Variants in DUSP22 observed in about 807,000 individuals in gnomAD.
The protein encoded by DUSP22 is dual specificity phosphatase 22, also known as dual specificity protein phosphatase 22.
Under a neutral mutation model 24.5 loss-of-function variants are expected in DUSP22, and 24 were observed. The ratio of observed to expected loss-of-function variants is 0.98; its 90% CI spans 0.71 to 1.38. The LOEUF (loss-of-function observed/expected upper bound fraction) is 1.38. Among genes scored for constraint, DUSP22 ranks in the 40% most tolerant of loss-of-function variants. The pLI is 0.00. For synonymous variants in DUSP22, 160 were observed against 106.4 expected (o/e 1.50, Z -3.10); for missense variants, 330 against 269.2 (o/e 1.23, Z -1.58).
chr6:317,532 G>T (rs935087119), intron 3 of DUSP22, among the ~76,000 whole-genome samples: 4 of 152,300 alleles, frequency 2.6e-5, no homozygotes, highest in Non-Finnish European at 5.9e-5. Flanking sequence ...ACACCGTCAG[G>T]GTCCTCCGAG....
chr6:329,642 C>T (rs868443685), intron 3 of DUSP22, among the ~76,000 whole-genome samples: 9 of 152,296 alleles, frequency 5.9e-5, no homozygotes, highest in Non-Finnish European at 8.8e-5. Flanking sequence ...TTAGTAGAGA[C>T]GGGGTTTTAC....
At chr6:299,177 C>T (rs1184766842) in intron 1 of DUSP22, among the ~76,000 whole-genome samples, 1 of 152,308 alleles carries the variant, frequency 6.6e-6, no homozygotes. Context: ...TTGCTTTCTA[C>T]CAGGTGGTAA....
At chr6:323,403 TTCC>T (rs1234666088) in intron 3 of DUSP22, among the ~76,000 whole-genome samples, 2 of 152,426 alleles carry the variant, frequency 1.3e-5, no homozygotes, top group Admixed American at 1.3e-4. Context: ...TGGCCTTCTT[TTCC>T]CATGGGAAAG....
intron 3 of DUSP22, among the ~76,000 whole-genome samples, chr6:331,715 A>C (rs1423426326): frequency 6.6e-6 from 1 of 152,308 alleles, no homozygotes; most frequent in African/African-American, 2.4e-5. Flanking sequence ...CAGGTATCTG[A>C]AGCTGTTCTA....
chr6:346,624 C>T (rs891196225), intron 5 of DUSP22, among the ~76,000 whole-genome samples: 8 of 152,304 alleles, frequency 5.3e-5, no homozygotes, highest in Non-Finnish European at 1.2e-4. Context: ...GAACCAGTAG[C>T]CAAAATTCAG....
At chr6:303,099 C>T (rs9503203) in intron 1 of DUSP22, among the ~76,000 whole-genome samples, 3 of 152,146 alleles carry the variant, frequency 2.0e-5, no homozygotes, top group Non-Finnish European at 2.9e-5. Context: ...CAATGATGCT[C>T]TCTAGTGTCT....
At chr6:337,333 G>A (rs1302239569) in intron 4 of DUSP22, 1 of 152,490 alleles carries the variant, frequency 6.6e-6, no homozygotes, top group Non-Finnish European at 1.5e-5. Flanking sequence ...GGGCATGTAT[G>A]TGAAGGTGTT....
At chr6:322,830 T>TGGGCGG (rs1758665788) in intron 3 of DUSP22, among the ~76,000 whole-genome samples, 1 of 18,802 alleles carries the variant, frequency 5.3e-5, no homozygotes, top group African/African-American at 1.8e-4. Flanking sequence ...GGCTGCTTGG[T>TGGGCGG]GGGGCGGGGG....
At chr6:325,468 C>A (rs1342837559) in intron 3 of DUSP22, 7 of 204,948 alleles carry the variant, frequency 3.4e-5, no homozygotes, top group African/African-American at 2.0e-4. Context: ...GCTTCCGTAT[C>A]CTGGTGTGTG....
At chr6:303,788 G>A (rs1457868499) in intron 1 of DUSP22, among the ~76,000 whole-genome samples, 1 of 152,308 alleles carries the variant, frequency 6.6e-6, no homozygotes, top group Non-Finnish European at 1.5e-5. Context: ...CAAATTGTGG[G>A]TGTGAAAGAA....
In DUSP22 at chr6:334,156, C is replaced by CT. The variant is rs1442924730; in HGVS notation, c.139-954dup. Among the ~76,000 whole-genome samples, 10 of 152,426 alleles carry CT rather than the reference C, an allele frequency of 6.6e-5. No homozygotes were observed. The East Asian group carries it at 1.9e-3, about 29-fold the overall frequency. Reference sequence around the variant, plus strand: ...TCTGTGTCCCTCTTCTGCCTCTGTGCTTTTATTCTCCAAGGTTGGCTACTT... The same window carrying CT: ...TCTGTGTCCCTCTTCTGCCTCTGTGCTTTTTATTCTCCAAGGTTGGCTACTT... On this transcript the variant is annotated intron_variant, in intron 3 of 6. Transcript: ENST00000419235.
At chr6:342,102 G>T (rs544019293) in intron 4 of DUSP22, among the ~76,000 whole-genome samples, 1 of 152,306 alleles carries the variant, frequency 6.6e-6, no homozygotes, top group African/African-American at 2.4e-5. Flanking sequence ...GGTGAGGTTC[G>T]TACAACTGAA....
At chr6:335,505 G>A (rs1759322095) in intron 4 of DUSP22, among the ~76,000 whole-genome samples, 1 of 152,308 alleles carries the variant, frequency 6.6e-6, no homozygotes, top group South Asian at 2.1e-4. Flanking sequence ...TCTGTCTAAA[G>A]CAGCGCTGTC....
intron 3 of DUSP22, among the ~76,000 whole-genome samples, chr6:312,778 C>T (rs60864850): frequency 3.3e-5 from 5 of 152,294 alleles, no homozygotes; most frequent in African/African-American, 1.2e-4. Flanking sequence ...TCAAATGTAT[C>T]TATTTTCTTT....
chr6:342,002 G>A (rs1759629889), intron 4 of DUSP22, among the ~76,000 whole-genome samples: 1 of 152,300 alleles, frequency 6.6e-6, no homozygotes, highest in African/African-American at 2.4e-5. Flanking sequence ...CTGTGGTTGG[G>A]GACGTGCAGA....
chr6:299,291 C>T (rs953458334), intron 1 of DUSP22, among the ~76,000 whole-genome samples: 1 of 152,310 alleles, frequency 6.6e-6, no homozygotes, highest in Admixed American at 6.5e-5. Context: ...TTGTGGTTCC[C>T]AGGTCTCCTC....
chr6:304,844 A>G (rs979011500), intron 2 of DUSP22, among the ~76,000 whole-genome samples, 183 bp downstream of exon 2: 1 of 152,298 alleles, frequency 6.6e-6, no homozygotes, highest in African/African-American at 2.4e-5. Flanking sequence ...TTAAAACACC[A>G]ACTCCCCATT....
intron 5 of DUSP22, 32 bp from the exon 6 acceptor site, chr6:348,071 C>G (rs762365108): frequency 1.2e-6 from 2 of 1,612,082 alleles, no homozygotes; most frequent in Non-Finnish European, 1.7e-6. Context: ...TCTGAAACTG[C>G]CCTCACACAT....
chr6:318,587 C>T (rs1758437237), intron 3 of DUSP22, among the ~76,000 whole-genome samples: 1 of 151,814 alleles, frequency 6.6e-6, no homozygotes, highest in Non-Finnish European at 1.5e-5. Flanking sequence ...AGGGCCTTTC[C>T]CCAGGTGACC....
Sources: gnomAD v4.1 joint callset for allele counts (sites outside exome capture counted in the v4.1 genomes callset) on GRCh38, gnomAD v4.1.1 for gene constraint, MANE v1.5 for transcripts, NCBI Gene and HGNC (gene_info 2026-07-23, HGNC 2026-07-21) for gene names.